SEL1L3: variants seen among roughly 807,000 people sequenced by gnomAD.
The protein encoded by SEL1L3 is protein sel-1 homolog 3.
A neutral mutation model predicts 142.8 loss-of-function variants in SEL1L3; 76 were observed. The ratio of observed to expected loss-of-function variants is 0.53; its 90% CI spans 0.44 to 0.64. The LOEUF is 0.64. SEL1L3 is among the 30% of genes least tolerant of loss of function. The pLI is 0.00. For missense variants in SEL1L3, 1,262 were observed against 1,381.7 expected, an observed-to-expected ratio of 0.91 and a Z score of 1.37; for synonymous variants, 504 against 519.6, an observed-to-expected ratio of 0.97 and a Z score of 0.41.
chr4:25,773,899 C>T (rs938974510), intron 17 of SEL1L3, among the ~76,000 whole-genome samples: 3 of 152,198 alleles, frequency 2.0e-5, no homozygotes, highest in African/African-American at 7.2e-5. Context: ...TCAAGACCAC[C>T]TCATCCATTA....
chr4:25,858,351 G>C (rs1717406674), intron 1 of SEL1L3, among the ~76,000 whole-genome samples: 1 of 152,162 alleles, frequency 6.6e-6, no homozygotes, highest in South Asian at 2.1e-4. Context: ...TCTCCCTCAA[G>C]CTAGATAACT....
At position 25,757,625 on chromosome 4, in the gene SEL1L3, C is replaced by A. The variant is rs373303060; in HGVS notation, c.3187-19G>T. 1.3e-6 allele frequency: 2 copies of A among 1,555,612 alleles called. No individual in the cohort carries two copies. The highest frequency in any genetic ancestry group is 1.4e-5 in the African/African-American group (1 of 73,142). On this transcript the variant is annotated intron_variant, in intron 22 of 23. Coordinates refer to ENST00000399878, the MANE Select transcript of SEL1L3 (RefSeq NM_015187.5). ...AGTAGATCTGCAAACATCAGAAGCA[C>A]GCATTAGTGACTGACAAAGGGCAGG...
intron 17 of SEL1L3, among the ~76,000 whole-genome samples, chr4:25,773,945 C>A (rs1308893098): frequency 6.6e-6 from 1 of 152,186 alleles, no homozygotes; most frequent in Non-Finnish European, 1.5e-5. Flanking sequence ...CTTCCCAAAC[C>A]AGGCATCTTT....
At chr4:25,781,651 C>A (rs1014864804) in intron 15 of SEL1L3, among the ~76,000 whole-genome samples, 1 of 152,026 alleles carries the variant, frequency 6.6e-6, no homozygotes, top group African/African-American at 2.4e-5. Flanking sequence ...AGTGTGTGAC[C>A]CTACGTTACT....
chr4:25,819,815 T>C lies in SEL1L3; in HGVS notation c.1416A>G (p.Gln472=), dbSNP rs1279194908. The change falls in exon 8 of 24, where the codon CAA becomes CAG. Residue 472 remains glutamine, a synonymous_variant. Transcript: ENST00000399878. ...ASAAKHGGER[Q]EACHLHNSYL... ...CTGAAGCTCAACACTTACATGCTTCTTGTCTCTCGCCCCCGTGCTTTGCTG... is the reference window on the plus strand; with the variant it reads ...CTGAAGCTCAACACTTACATGCTTCCTGTCTCTCGCCCCCGTGCTTTGCTG... The C allele has an allele frequency of 6.2e-7, 1 of 1,611,620 alleles. No homozygotes were observed. Among genetic ancestry groups the C allele is most frequent in the African/African-American group, 1.3e-5 (1 of 74,862 alleles).
the SEL1L3 span, among the ~76,000 whole-genome samples, chr4:25,736,968 A>G: frequency 9.1e-6 from 1 of 110,012 alleles, no homozygotes; most frequent in African/African-American, 3.0e-5. Flanking sequence ...ATAATATGCT[A>G]CTCTTTTTTT....
chr4:25,858,773 A>G (rs1038786769), intron 1 of SEL1L3, among the ~76,000 whole-genome samples: 1 of 152,006 alleles, frequency 6.6e-6, no homozygotes, highest in Non-Finnish European at 1.5e-5. Flanking sequence ...ATTAGTAGAG[A>G]TGGGGTTTCA....
At chr4:25,786,771 G>A (rs1407509904) in intron 13 of SEL1L3, among the ~76,000 whole-genome samples, 1 of 152,190 alleles carries the variant, frequency 6.6e-6, no homozygotes, top group East Asian at 1.9e-4. Flanking sequence ...ATTCACATAT[G>A]GCTCAGATTC....
chr4:25,782,497 A>C (rs1720072246), intron 14 of SEL1L3, 79 bp from the exon 15 acceptor site: 1 of 1,276,652 alleles, frequency 7.8e-7, no homozygotes, highest in African/African-American at 1.5e-5. Context: ...TTGTGGAAGC[A>C]TTCTGCCTAA....
In SEL1L3 at chr4:25,809,586, G is replaced by A. The variant is rs113559834; in HGVS notation, c.1565-4834C>T. ...GGTATGAGCCTCCGCTCCTGACCCC[G>A]TATAAACTTTCTGATTTTACACGTC... On this transcript the variant is annotated intron_variant, in intron 9 of 23. Coordinates refer to ENST00000399878, the MANE Select transcript of SEL1L3 (RefSeq NM_015187.5). Among the ~76,000 whole-genome samples the A allele has an allele frequency of 7.9e-5, 12 of 152,158 alleles. 1 individual carries two copies. Among genetic ancestry groups the A allele is most frequent in the South Asian group, 6.2e-4 (3 of 4,828 alleles).
At chr4:25,759,493 T>C in intron 20 of SEL1L3, 1 of 161,810 alleles carries the variant, frequency 6.2e-6, no homozygotes, top group Non-Finnish European at 1.4e-5. Context: ...CTAGGGCGGC[T>C]TCCAATGACT....
chr4:25,841,116 T>C (rs1021366897), intron 2 of SEL1L3, among the ~76,000 whole-genome samples: 1 of 151,890 alleles, frequency 6.6e-6, no homozygotes, highest in African/African-American at 2.4e-5. Context: ...CACTGCAGCC[T>C]CCATCTCCTG....
At chr4:25,854,262 G>A (rs115390309) in intron 1 of SEL1L3, among the ~76,000 whole-genome samples, 3,776 of 152,194 alleles carry the variant, frequency 0.025, 148 homozygotes, top group African/African-American at 0.086. Flanking sequence ...TATAGTTTGC[G>A]AACTGCTTTT....
chr4:25,826,490 G>C (rs936806323), intron 6 of SEL1L3, among the ~76,000 whole-genome samples: 5 of 152,104 alleles, frequency 3.3e-5, no homozygotes, highest in Non-Finnish European at 7.4e-5. Context: ...GTTCCTGGCA[G>C]GGATGAGATT....
chr4:25,797,161 GGAGA>G (rs1358123908), intron 11 of SEL1L3, among the ~76,000 whole-genome samples: 9 of 150,752 alleles, frequency 6.0e-5, no homozygotes, highest in African/African-American at 2.2e-4. Flanking sequence ...GGTGAGAGAG[GGAGA>G]GAGAGAAAGG....
chr4:25,774,839 C>T (rs1267073899), intron 17 of SEL1L3, among the ~76,000 whole-genome samples: 1 of 151,138 alleles, frequency 6.6e-6, no homozygotes, highest in Non-Finnish European at 1.5e-5. Flanking sequence ...AGTGAGACTT[C>T]ATCTCAAAAA....
At chr4:25,774,594 C>T (rs1719474871) in intron 17 of SEL1L3, among the ~76,000 whole-genome samples, 1 of 152,224 alleles carries the variant, frequency 6.6e-6, no homozygotes, top group South Asian at 2.1e-4. Flanking sequence ...GGTGAGGTGG[C>T]TCATGCCTGT....
chr4:25,718,464 GC>G, the SEL1L3 span: 1 of 152,168 alleles, frequency 6.6e-6, no homozygotes, highest in African/African-American at 2.4e-5. Flanking sequence ...AATTTGCTAG[GC>G]AGAATAGTAA....
chr4:25,830,781 G>A (rs547991614), intron 5 of SEL1L3, among the ~76,000 whole-genome samples: 1 of 152,292 alleles, frequency 6.6e-6, no homozygotes, highest in South Asian at 2.1e-4. Flanking sequence ...TCTCAAAGAC[G>A]TGGCTACGAC....
Sources: allele counts gnomAD v4.1 joint callset (sites outside exome capture counted in the v4.1 genomes callset), GRCh38; gene constraint gnomAD v4.1.1; transcripts MANE v1.5; gene names NCBI Gene and HGNC (gene_info 2026-07-23, HGNC 2026-07-21).